Variants in GRM7 observed in about 807,000 individuals in gnomAD.
GRM7 encodes the protein metabotropic glutamate receptor 7.
A neutral mutation model predicts 84.5 loss-of-function variants in GRM7; 35 were observed. The observed-to-expected ratio is 0.41, with a 90% CI of 0.32 to 0.55. The LOEUF is 0.55. GRM7 is among the 20% of genes least tolerant of loss of function. GRM7 has a pLI of 0.19. For synonymous variants in GRM7, 487 were observed against 455.1 expected, an observed-to-expected ratio of 1.07 and a Z score of -0.89; for missense variants, 1,003 against 1,194.6, an observed-to-expected ratio of 0.84 and a Z score of 2.36.
chr3:7,523,571 G>C (rs1700680482), intron 7 of GRM7, among the ~76,000 whole-genome samples: 1 of 152,134 alleles, frequency 6.6e-6, no homozygotes, highest in Admixed American at 6.6e-5. Context: ...GCTGTTTTAA[G>C]GTATGCATCA....
chr3:7,655,365 C>G (rs11715455), intron 8 of GRM7, among the ~76,000 whole-genome samples: 62,402 of 152,094 alleles, frequency 0.41, 14,082 homozygotes, highest in Non-Finnish European at 0.52. Context: ...CACCCAATAA[C>G]AAGATGAAGC....
intron 1 of GRM7, among the ~76,000 whole-genome samples, chr3:6,913,800 G>C (rs568267408): frequency 6.6e-6 from 1 of 152,146 alleles, no homozygotes; most frequent in Admixed American, 6.6e-5. Context: ...TCAGCTTGAT[G>C]CAATAGATAG....
At chr3:7,094,395 A>G (rs1486928089) in intron 1 of GRM7, among the ~76,000 whole-genome samples, 2 of 152,216 alleles carry the variant, frequency 1.3e-5, no homozygotes, top group Non-Finnish European at 2.9e-5. Context: ...GTTGGCCTTT[A>G]GAAGAATGAG....
intron 1 of GRM7, among the ~76,000 whole-genome samples, chr3:7,113,964 G>T (rs1034366798): frequency 6.6e-6 from 1 of 152,086 alleles, no homozygotes; most frequent in Admixed American, 6.6e-5. Context: ...AAGATGACAC[G>T]GGACTTCAAT....
intron 4 of GRM7, among the ~76,000 whole-genome samples, chr3:7,371,659 C>G (rs913097849): frequency 6.6e-6 from 1 of 152,146 alleles, no homozygotes; most frequent in Admixed American, 6.6e-5. Context: ...TGCTCAGTCT[C>G]TTTTCTGTTT....
intron 1 of GRM7, among the ~76,000 whole-genome samples, chr3:6,912,329 G>C (rs1272131778): frequency 6.6e-6 from 1 of 152,136 alleles, no homozygotes; most frequent in Non-Finnish European, 1.5e-5. Flanking sequence ...TTGGTGTGAA[G>C]AATTTTTAAA....
chr3:7,232,885 G>A (rs1697238424), intron 2 of GRM7, among the ~76,000 whole-genome samples: 2 of 152,242 alleles, frequency 1.3e-5, no homozygotes, highest in African/African-American at 4.8e-5. Flanking sequence ...ATTTCTTCCA[G>A]GTGACTTCTT....
intron 2 of GRM7, among the ~76,000 whole-genome samples, chr3:7,221,802 G>GT (rs1696810655): frequency 9.1e-5 from 11 of 120,276 alleles, no homozygotes; most frequent in Admixed American, 6.7e-4. Context: ...TTAATTTCTT[G>GT]TATTTTTTTT....
At chr3:6,913,248 C>G (rs1696832958) in intron 1 of GRM7, among the ~76,000 whole-genome samples, 1 of 152,144 alleles carries the variant, frequency 6.6e-6, no homozygotes. Flanking sequence ...TTTTCATTGG[C>G]TTTATCAGTG....
chr3:7,213,713 T>C (rs1438919125), intron 2 of GRM7, among the ~76,000 whole-genome samples: 1 of 152,146 alleles, frequency 6.6e-6, no homozygotes, highest in African/African-American at 2.4e-5. Context: ...GTTGGGTTCA[T>C]CTCCAGAGCT....
chr3:7,197,267 G>A (rs141799152), intron 2 of GRM7, among the ~76,000 whole-genome samples: 8 of 152,260 alleles, frequency 5.3e-5, no homozygotes, highest in East Asian at 3.9e-4. Context: ...GGTGCTCATC[G>A]TCTGCTGATG....
At chr3:7,059,251 A>G (rs1219476066) in intron 1 of GRM7, among the ~76,000 whole-genome samples, 2 of 151,844 alleles carry the variant, frequency 1.3e-5, no homozygotes, top group Non-Finnish European at 2.9e-5. Context: ...TACACAGGAC[A>G]GAGAAATTGA....
At chr3:7,570,638 T>C (rs1694607143) in intron 7 of GRM7, among the ~76,000 whole-genome samples, 1 of 152,200 alleles carries the variant, frequency 6.6e-6, no homozygotes, top group African/African-American at 2.4e-5. Context: ...TGGGCTGGCA[T>C]TGAGGGTCTG....
Position 7,305,358 on chromosome 3 carries a change from T to A in GRM7, c.879-1140T>A, listed in dbSNP as rs1700157416. On this transcript the variant is annotated intron_variant, in intron 3 of 9. Coordinates refer to ENST00000357716, the MANE Select transcript of GRM7 (RefSeq NM_000844.4). ...TTTTTTTTTTCTTTTTTTTTTTTTT[T>A]AATTATACTTTAAGTTTTAGGATAC... Among the ~76,000 whole-genome samples the A allele has an allele frequency of 2.3e-5, 2 of 88,542 alleles. 1 individual carries two copies. Among genetic ancestry groups the A allele is most frequent in the Non-Finnish European group, 6.2e-5 (2 of 32,174 alleles). 58.1% of individuals were successfully genotyped at this position (88,542 alleles called of 152,430 possible). A position where few individuals can be genotyped will look rare whatever the true frequency, so the allele number is the denominator to read the frequency against.
intron 2 of GRM7, among the ~76,000 whole-genome samples, chr3:7,280,997 A>G (rs912196478): frequency 2.0e-5 from 3 of 152,116 alleles, no homozygotes; most frequent in Admixed American, 1.3e-4. Context: ...TACTCTGAAA[A>G]GAAAAAAAAT....
intron 2 of GRM7, among the ~76,000 whole-genome samples, chr3:7,185,546 A>G (rs993830659): frequency 6.6e-6 from 1 of 152,152 alleles, no homozygotes; most frequent in African/African-American, 2.4e-5. Context: ...TTTGCTGCCA[A>G]CCAATGATGG....
At chr3:7,189,093 G>A (rs920154765) in intron 2 of GRM7, among the ~76,000 whole-genome samples, 2 of 152,110 alleles carry the variant, frequency 1.3e-5, no homozygotes, top group African/African-American at 4.8e-5. Flanking sequence ...TAACTCAGCC[G>A]GGAGCTGATT....
At chr3:7,701,550 G>A (rs912645432) in intron 9 of GRM7, among the ~76,000 whole-genome samples, 2 of 151,976 alleles carry the variant, frequency 1.3e-5, no homozygotes, top group African/African-American at 2.4e-5. Flanking sequence ...TGATCCACTC[G>A]CCTCGGCCCC....
At chr3:7,201,056 G>A (rs1448190499) in intron 2 of GRM7, among the ~76,000 whole-genome samples, 1 of 138,048 alleles carries the variant, frequency 7.2e-6, no homozygotes, top group East Asian at 2.1e-4. Flanking sequence ...TGCAAACTCT[G>A]CCTCCTGGGT....
Sources: allele counts gnomAD v4.1 joint callset (sites outside exome capture counted in the v4.1 genomes callset), GRCh38; gene constraint gnomAD v4.1.1; transcripts MANE v1.5; gene names NCBI Gene and HGNC (gene_info 2026-07-23, HGNC 2026-07-21).